COL11A2: variants seen among roughly 807,000 people sequenced by gnomAD.
COL11A2 encodes collagen type XI alpha 2 chain, also known as collagen alpha-2(XI) chain.
Under a neutral mutation model 273.4 loss-of-function variants are expected in COL11A2, and 116 were observed. That is an observed-to-expected ratio of 0.42 (90% CI 0.36 to 0.49). The LOEUF (loss-of-function observed/expected upper bound fraction) is 0.49, where lower values mean the gene tolerates loss of function less well. Ranked by LOEUF, COL11A2 falls within the 20% of genes least tolerant of loss-of-function variation. The pLI is 0.00. For synonymous variants in COL11A2, 782 were observed against 864.2 expected (o/e 0.90, Z 1.67); for missense variants, 1,866 against 2,309.0 (o/e 0.81, Z 3.93).
rs570708095 is a variant in COL11A2, at chr6:33,163,802, G to A, written c.5087C>T (p.Thr1696Met). The A allele has an allele frequency of 6.6e-5, 106 of 1,612,992 alleles. No individual in the cohort carries two copies. Among genetic ancestry groups the A allele is most frequent in the Admixed American group, 6.0e-4 (36 of 60,022 alleles). ...RDGCQTQQGR[T>M]VLEVRTPVLE... ...CACAGGCGTTCGCACCTCCAGCACCGTCCGGCCTTGCTGTGTCTTCAGGGG... is the reference window on the plus strand; with the variant it reads ...CACAGGCGTTCGCACCTCCAGCACCATCCGGCCTTGCTGTGTCTTCAGGGG... Residue 1696 changes from threonine (T) to methionine (M), a missense_variant, in exon 66 of 66, where the codon ACG becomes ATG. Transcript: ENST00000341947. The surrounding 1 kb of genome is among the most constrained non-coding windows in gnomAD (Gnocchi z 4.1).
rs1337088776 is a variant in COL11A2 at position 33,170,824 on chromosome 6, G to A, written c.3460C>T (p.Pro1154Ser). 1 of 1,612,968 alleles carries A rather than the reference G, an allele frequency of 6.2e-7. No individual in the cohort carries two copies. Among genetic ancestry groups the A allele is most frequent in the East Asian group, 2.2e-5 (1 of 44,880 alleles). The change falls in exon 46 of 66, where the codon CCC becomes TCC. Residue 1154 changes from proline to serine, a missense_variant. Coordinates refer to ENST00000341947, the MANE Select transcript of COL11A2 (RefSeq NM_080680.3). The surrounding 1 kb of genome is among the most constrained non-coding windows in gnomAD (Gnocchi z 4.3). ...CCCCAACACACCTGTAGGCCAATGG[G>A]TCCTGGGGGCCCATTGAATCCTCTT... ...GTRGFNGPPG[P>S]IGLQGLPGPS... is the part of the protein sequence containing the mutation.
chr6:33,191,322 A>T (rs1424940817), intron 1 of COL11A2, among the ~76,000 whole-genome samples: 1 of 152,260 alleles, frequency 6.6e-6, no homozygotes, highest in East Asian at 1.9e-4. Context: ...GTCAAGTTAA[A>T]TATAAATCAG....
At chr6:33,183,934 G>T (rs1772035399) in intron 8 of COL11A2, among the ~76,000 whole-genome samples, 1 of 151,890 alleles carries the variant, frequency 6.6e-6, no homozygotes, top group Non-Finnish European at 1.5e-5. Context: ...AGCTTCAGAA[G>T]TATCCACAAG....
In COL11A2 at chr6:33,179,679, C is replaced by A; in HGVS notation, c.1446+40G>T. 2 of 1,606,092 alleles carry A rather than the reference C, an allele frequency of 1.2e-6. No homozygotes were observed. Among genetic ancestry groups the A allele is most frequent in the Non-Finnish European group, 8.5e-7 (1 of 1,177,142 alleles). On this transcript the variant is annotated intron_variant, in intron 13 of 65. Transcript: ENST00000341947. The surrounding 1 kb of genome is among the most constrained non-coding windows in gnomAD (Gnocchi z 6.4). ...CACTCCAGCCAACCCTTCCAGTGCC[C>A]CCCAGAGCCTTCCCTTTCCAGGGAA...
chr6:33,181,765 C>T (rs770718891), intron 8 of COL11A2, among the ~76,000 whole-genome samples: 3 of 151,822 alleles, frequency 2.0e-5, no homozygotes, highest in Non-Finnish European at 4.4e-5. Flanking sequence ...GAATTACAGG[C>T]GTGAGCCACC....
intron 38 of COL11A2, 136 bp from the exon 39 acceptor site, chr6:33,172,773 G>A (rs946937349): frequency 3.0e-5 from 25 of 834,606 alleles, no homozygotes; most frequent in African/African-American, 2.5e-4. Context: ...GAAATTCCCC[G>A]GCATTCCTGG....
chr6:33,171,295 G>A lies in COL11A2; in HGVS notation c.3288C>T (p.Gly1096=), dbSNP rs766334248. The A allele has an allele frequency of 6.2e-7, 1 of 1,614,196 alleles. No individual in the cohort carries two copies. Among genetic ancestry groups the A allele is most frequent in the South Asian group, 1.1e-5 (1 of 91,082 alleles). ...CATGTTCACCCTTGTTCCCTTTGGT[G>A]CCCTTCTGTCCGGGGTCCCCCACCT... is the stretch of plus-strand genomic sequence containing the variant. ...KGEVGDPGQK[G]TKGNKGEHGP... is the part of the protein sequence containing the mutation. The change falls in exon 44 of 66, where the codon GGC becomes GGT. Residue 1096 remains glycine, a synonymous_variant. Coordinates refer to ENST00000341947, the MANE Select transcript of COL11A2 (RefSeq NM_080680.3).
Position 33,173,008 on chromosome 6 carries a change from G to C in COL11A2, c.2790+52C>G. 1 of 1,580,654 alleles carries C rather than the reference G, an allele frequency of 6.3e-7. No homozygotes were observed. Among genetic ancestry groups the C allele is most frequent in the Non-Finnish European group, 8.7e-7 (1 of 1,152,180 alleles). Reference sequence around the variant, plus strand: ...GCGTGTGACCGAGAGAAGAGGGGCAGACAGACTAATGCTAGGGTCAGGGGT... The same window carrying C: ...GCGTGTGACCGAGAGAAGAGGGGCACACAGACTAATGCTAGGGTCAGGGGT... On this transcript the variant is annotated intron_variant, in intron 38 of 65. Transcript: ENST00000341947. The surrounding 1 kb of genome is among the most constrained non-coding windows in gnomAD (Gnocchi z 6.3).
Position 33,168,588 on chromosome 6 carries a change from T to C in COL11A2, c.3907-16A>G, listed in dbSNP as rs1404538164. The C allele has an allele frequency of 5.0e-6, 8 of 1,613,164 alleles. No homozygotes were observed. Among genetic ancestry groups the C allele is most frequent in the South Asian group, 1.1e-5 (1 of 90,962 alleles). ...CAGGGGATCCCTAGGGAGAGAGGAA[T>C]TGGGGTGGCTGAGTGTTTATCCTCC... On this transcript the variant is annotated splice_polypyrimidine_tract_variant and intron_variant, in intron 53 of 65. Transcript: ENST00000341947.
intron 11 of COL11A2, 78 bp from the exon 12 acceptor site, chr6:33,180,410 C>T (rs1771564602): frequency 6.3e-6 from 8 of 1,271,938 alleles, no homozygotes; most frequent in Non-Finnish European, 9.1e-6. Context: ...TTGAAATATC[C>T]TCTTCAACAG....
At position 33,166,175 on chromosome 6, in the gene COL11A2, G is replaced by A. The variant is rs1447513770; in HGVS notation, c.4424C>T (p.Ala1475Val). The change falls in exon 61 of 66, where the codon GCC becomes GTC. Residue 1475 changes from alanine (A) to valine (V), a missense_variant. Transcript: ENST00000341947. The surrounding 1 kb of genome is among the most constrained non-coding windows in gnomAD (Gnocchi z 4.8). Reference sequence around the variant, plus strand: ...GAGCTGAAGGGGGTCACTCACTGTGGCTCCTTTGGCTCCTTTGGGGCCAGC... The same window carrying A: ...GAGCTGAAGGGGGTCACTCACTGTGACTCCTTTGGCTCCTTTGGGGCCAGC... The part of the protein sequence containing the change: ...GPAGPKGAKG[A>V]TGPGGPKGEK... 1 of 1,605,060 alleles carries A rather than the reference G, an allele frequency of 6.2e-7. No individual in the cohort carries two copies. The highest frequency in any genetic ancestry group is 2.2e-5 in the East Asian group (1 of 44,660).
rs780138244 is a variant in COL11A2, at chr6:33,166,863, G to A, written c.4231-36C>T. 4 of 1,604,796 alleles carry A rather than the reference G, an allele frequency of 2.5e-6. No individual in the cohort carries two copies. The highest frequency in any genetic ancestry group is 2.2e-5 in the East Asian group (1 of 44,676). On this transcript the variant is annotated intron_variant, in intron 58 of 65. Transcript: ENST00000341947. The surrounding 1 kb of genome is among the most constrained non-coding windows in gnomAD (Gnocchi z 4.8). ...GTGCAGGCAGTCAAGAGAATGCAAA[G>A]AGGAGTCATGTGGATGGGGGAGAAG...
Position 33,172,369 on chromosome 6 carries a change from C to A in COL11A2, c.2908G>T (p.Gly970Cys). The change falls in exon 40 of 66, where the codon GGT becomes TGT. Residue 970 changes from glycine to cysteine, a missense_variant. Transcript: ENST00000341947. ...TCCTTCCCTGGGGCCCCAGGGGGACCAGGGTCACCCTAAAAGGAAAGGAGA... is the reference window on the plus strand; with the variant it reads ...TCCTTCCCTGGGGCCCCAGGGGGACAAGGGTCACCCTAAAAGGAAAGGAGA... ...AGKEGTKGDP[G>C]PPGAPGKDGP... 6.3e-7 allele frequency: 1 copy of A among 1,586,772 alleles called. No homozygotes were observed. Among genetic ancestry groups the A allele is most frequent in the Non-Finnish European group, 8.6e-7 (1 of 1,167,120 alleles).
rs1292184340 is a variant in COL11A2, at chr6:33,176,322, T to C, written c.2170-19A>G. ...CCACACCCTAGAATTAGAGAGGGGA[T>C]AGAAGTAGACTGATCAGGGGATGGA... On this transcript the variant is annotated intron_variant, in intron 27 of 65. Transcript: ENST00000341947. The surrounding 1 kb of genome is among the most constrained non-coding windows in gnomAD (Gnocchi z 4.9). 4 of 1,603,638 alleles carry C rather than the reference T, an allele frequency of 2.5e-6. No individual in the cohort carries two copies. The highest frequency in any genetic ancestry group is 2.6e-6 in the Non-Finnish European group (3 of 1,175,032).
In COL11A2 at chr6:33,177,966, G is replaced by T; in HGVS notation, c.1872+166C>A. ...ACGCCACATGGCCCTCCCTGTGCAC[G>T]GGGAGCGAATGCTGAGGCAGGGCAG... On this transcript the variant is annotated intron_variant, in intron 21 of 65. Transcript: ENST00000341947. The surrounding 1 kb of genome is among the most constrained non-coding windows in gnomAD (Gnocchi z 5.9). The T allele has an allele frequency of 2.4e-6, 2 of 822,666 alleles. No homozygotes were observed. The highest frequency in any genetic ancestry group is 3.9e-6 in the Non-Finnish European group (2 of 513,186). 51.0% of individuals were successfully genotyped at this position (822,666 alleles called of 1,614,324 possible).
In COL11A2 at chr6:33,169,832, T is replaced by C; in HGVS notation, c.3689A>G (p.Lys1230Arg). 2 of 1,614,092 alleles carry C rather than the reference T, an allele frequency of 1.2e-6. No individual in the cohort carries two copies. Among genetic ancestry groups the C allele is most frequent in the Non-Finnish European group, 1.7e-6 (2 of 1,180,000 alleles). The stretch of plus-strand genomic sequence containing the variant: ...TAAGGCCTTGGAGCTGTCACTCACC[T>C]TGACACCTGGCTCGCCCTGGATCCC... ...SPGIQGEPGV[K>R]GPRGERGEKG... Residue 1230 changes from lysine (K) to arginine (R), a missense_variant and splice_region_variant, in exon 50 of 66, where the codon AAG becomes AGG. Transcript: ENST00000341947. The surrounding 1 kb of genome is among the most constrained non-coding windows in gnomAD (Gnocchi z 5.5).
At position 33,176,803 on chromosome 6, in the gene COL11A2, T is replaced by C; in HGVS notation, c.2071-38A>G. 3.1e-6 allele frequency: 5 copies of C among 1,604,750 alleles called. No individual in the cohort carries two copies. In the South Asian group the frequency reaches 5.6e-5, roughly 18 times the overall value. ...GATAGAAAATGTGACCAGTGGCCCC[T>C]GTCACCCTCTCTGCACCCCTCCCTA... On this transcript the variant is annotated intron_variant, in intron 25 of 65. Transcript: ENST00000341947. This position sits in a 1 kb window ranked among gnomAD's most constrained non-coding sequence, Gnocchi z 4.9.
chr6:33,179,172 G>A lies in COL11A2; in HGVS notation c.1558-46C>T, dbSNP rs1380715180. The A allele has an allele frequency of 2.5e-6, 4 of 1,611,696 alleles. No individual in the cohort carries two copies. Among genetic ancestry groups the A allele is most frequent in the Non-Finnish European group, 3.4e-6 (4 of 1,179,020 alleles). ...GTGGGGTTAGGAGGCATAGGGAGGG[G>A]AGTGAGGGAGACTGAGCTGGTGAAC... is the stretch of plus-strand genomic sequence containing the variant. On this transcript the variant is annotated intron_variant, in intron 15 of 65. Coordinates refer to ENST00000341947, the MANE Select transcript of COL11A2 (RefSeq NM_080680.3). The surrounding 1 kb of genome is among the most constrained non-coding windows in gnomAD (Gnocchi z 6.4).
rs537455619 is a variant in COL11A2 at position 33,167,468 on chromosome 6, C to T, written c.4080G>A (p.Gly1360=). Residue 1360 remains glycine, a synonymous_variant, in exon 56 of 66, where the codon GGG becomes GGA. Coordinates refer to ENST00000341947, the MANE Select transcript of COL11A2 (RefSeq NM_080680.3). The surrounding 1 kb of genome is among the most constrained non-coding windows in gnomAD (Gnocchi z 6.1). ...CCCTCAGACCATCAGGGCCAGGTTT[C>T]CCTGCTGGGCCTGCAGGACCCACCG... ...TGPVGPAGPA[G]KPGPDGLRGL... is the part of the protein sequence containing the mutation. The T allele has an allele frequency of 1.5e-4, 243 of 1,611,988 alleles. No homozygotes were observed. In the East Asian group the frequency reaches 1.9e-3, roughly 13 times the overall value.
Sources: allele counts gnomAD v4.1 joint callset (sites outside exome capture counted in the v4.1 genomes callset), GRCh38; gene constraint gnomAD v4.1.1; non-coding constraint Gnocchi (gnomAD v3.1); transcripts MANE v1.5; gene names NCBI Gene and HGNC (gene_info 2026-07-23, HGNC 2026-07-21).